ESRRB: variants seen among roughly 807,000 people sequenced by gnomAD.
ESRRB encodes the protein estrogen related receptor beta, also known as steroid hormone receptor ERR2.
ESRRB carries 16 observed loss-of-function variants against 46.0 expected under a neutral mutation model. The ratio of observed to expected loss-of-function variants is 0.35; its 90% CI spans 0.24 to 0.53. The LOEUF (loss-of-function observed/expected upper bound fraction) is 0.53. Ranked by LOEUF, ESRRB falls within the 20% of genes least tolerant of loss-of-function variation. The probability of loss-of-function intolerance (pLI) is 0.93; values close to 1 mark genes in which losing one functional copy is unlikely to be tolerated. For synonymous variants in ESRRB, 246 were observed against 259.6 expected (o/e 0.95, Z 0.50); for missense variants, 488 against 607.4 (o/e 0.80, Z 2.07).
At chr14:76,405,820 C>G (rs1400801549) in intron 1 of ESRRB, among the ~76,000 whole-genome samples, 1 of 151,954 alleles carries the variant, frequency 6.6e-6, no homozygotes, top group African/African-American at 2.4e-5. Context: ...GCAAGAGTCA[C>G]TTGAGCCAAG....
At chr14:76,357,847 T>C (rs1011750412) in intron 1 of ESRRB, among the ~76,000 whole-genome samples, 5 of 152,206 alleles carry the variant, frequency 3.3e-5, no homozygotes, top group Non-Finnish European at 5.9e-5. Flanking sequence ...ATGAAAATTA[T>C]GTAACAACAT....
intron 1 of ESRRB, among the ~76,000 whole-genome samples, chr14:76,398,250 G>A (rs1885783331): frequency 6.6e-6 from 1 of 152,186 alleles, no homozygotes; most frequent in Non-Finnish European, 1.5e-5. Flanking sequence ...TATTCCAGAT[G>A]AGGAAATAGG....
intron 2 of ESRRB, among the ~76,000 whole-genome samples, chr14:76,444,579 C>T (rs1413016153): frequency 1.3e-5 from 2 of 150,462 alleles, no homozygotes; most frequent in Non-Finnish European, 3.0e-5. Flanking sequence ...AGAGATGAGG[C>T]CTTGCTATGT....
At position 76,439,747 on chromosome 14, in the gene ESRRB, C is replaced by T; in HGVS notation, c.457C>T (p.Gln153Ter). The T allele has an allele frequency of 6.2e-7, 1 of 1,613,494 alleles. No individual in the cohort carries two copies. The highest frequency in any genetic ancestry group is 8.5e-7 in the Non-Finnish European group (1 of 1,179,444). The change falls in exon 2 of 7, where the codon CAA (glutamine) becomes TAA (stop). Residue 153 changes from glutamine (Q) to a stop codon, truncating the protein, a stop_gained. Coordinates refer to ENST00000644823, the MANE Select transcript of ESRRB (RefSeq NM_001379180.1). LOFTEE classifies it high-confidence loss of function. ...ACKAFFKRTIQGNIEYSCPAT... is the reference protein window; with the variant it reads ...ACKAFFKRTI ...CAAGGCCTTCTTCAAGAGGACTATC[C>T]AAGGTGCGTGGTGGGCCTCAAGGAG...
intron 1 of ESRRB, among the ~76,000 whole-genome samples, chr14:76,377,929 G>T (rs1483935908): frequency 1.3e-5 from 2 of 151,830 alleles, no homozygotes; most frequent in Non-Finnish European, 2.9e-5. Context: ...GAAGGCGCTG[G>T]TCTGGGAGAG....
intron 1 of ESRRB, among the ~76,000 whole-genome samples, chr14:76,387,809 A>G (rs1051890815): frequency 6.6e-6 from 1 of 152,206 alleles, no homozygotes; most frequent in Admixed American, 6.5e-5. Flanking sequence ...TTGATGTAAG[A>G]AAAGTGTCTG....
At chr14:76,391,488 C>T (rs1292374295) in intron 1 of ESRRB, among the ~76,000 whole-genome samples, 1 of 152,260 alleles carries the variant, frequency 6.6e-6, no homozygotes, top group East Asian at 1.9e-4. Flanking sequence ...GAAGCTGCAG[C>T]TCATTGCTGG....
chr14:76,390,719 G>A (rs900025751), intron 1 of ESRRB, among the ~76,000 whole-genome samples: 6 of 152,146 alleles, frequency 3.9e-5, no homozygotes, highest in African/African-American at 7.2e-5. Context: ...ACCCCTGTGC[G>A]TAGGGTTTAA....
At chr14:76,389,059 G>A (rs1325036275) in intron 1 of ESRRB, among the ~76,000 whole-genome samples, 2 of 152,162 alleles carry the variant, frequency 1.3e-5, no homozygotes, top group Non-Finnish European at 2.9e-5. Flanking sequence ...GATATGGAGC[G>A]TATCTTCAGT....
chr14:76,447,249 C>CCTTT (rs1316857043), intron 2 of ESRRB, among the ~76,000 whole-genome samples: 1 of 45,358 alleles, frequency 2.2e-5, no homozygotes, highest in African/African-American at 1.8e-4. Context: ...AAGTCTCCTT[C>CCTTT]CTTCCTTCCT....
intron 1 of ESRRB, among the ~76,000 whole-genome samples, chr14:76,358,326 AGAAAGAAAGAAAGAAAG>A (rs1472100079): frequency 6.8e-4 from 23 of 34,034 alleles, no homozygotes; most frequent in Middle Eastern, 0.014. Context: ...AAAAAAAAAA[AGAAAGAAAGAAAGAAAG>A]AAAGAAAGAA....
In ESRRB at chr14:76,332,737, T is replaced by TA. The variant is rs1884041559; in HGVS notation, c.2+21822dup. 2.0e-3 allele frequency among the ~76,000 whole-genome samples: 39 copies of TA among 19,524 alleles called. 2 individuals are homozygous for TA. Among genetic ancestry groups the TA allele is most frequent in the African/African-American group, 8.7e-3 (38 of 4,384 alleles). The allele number at this position is 19,524 out of a possible 152,430, so 12.8% of individuals were successfully genotyped here. A position where few individuals can be genotyped will look rare whatever the true frequency, so the allele number is the denominator to read the frequency against. ...TTATATATTATATATATTTATATAT[T>TA]ATATATTTATATATTATATATAAAT... On this transcript the variant is annotated intron_variant, in intron 1 of 6. Coordinates refer to the ESRRB transcript ENST00000512784.
At position 76,482,853 on chromosome 14, in the gene ESRRB, C is replaced by A; in HGVS notation, c.850+94C>A. On this transcript the variant is annotated intron_variant, in intron 5 of 6. Coordinates refer to ENST00000644823, the MANE Select transcript of ESRRB (RefSeq NM_001379180.1). This position sits in a 1 kb window ranked among gnomAD's most constrained non-coding sequence, Gnocchi z 4.3. ...TGGCTGTGCTTCTGATGCCCGGATC[C>A]TGGACCCCAGAAGGCCTGTGAAATC... 6.7e-7 allele frequency: 1 copy of A among 1,486,088 alleles called. No homozygotes were observed. The highest frequency in any genetic ancestry group is 9.3e-7 in the Non-Finnish European group (1 of 1,073,940). The allele number at this position is 1,486,088 out of a possible 1,614,324, so 92.1% of individuals were successfully genotyped here.
chr14:76,376,313 C>G lies in ESRRB; in HGVS notation c.-89C>G, dbSNP rs1188201009. On this transcript the variant is annotated 5_prime_UTR_variant, in exon 1 of 7. Transcript: ENST00000644823. This position sits in a 1 kb window ranked among gnomAD's most constrained non-coding sequence, Gnocchi z 4.1. Reference sequence around the variant, plus strand: ...TCGCGCTCACTGTGCCCTGCCCGGGCTCGCACCTTGCCCGTGCCCTTCACT... The same window carrying G: ...TCGCGCTCACTGTGCCCTGCCCGGGGTCGCACCTTGCCCGTGCCCTTCACT... 1.9e-6 allele frequency: 2 copies of G among 1,056,686 alleles called. No homozygotes were observed. The highest frequency in any genetic ancestry group is 2.4e-6 in the Non-Finnish European group (2 of 828,324). 65.5% of individuals were successfully genotyped at this position (1,056,686 alleles called of 1,614,324 possible).
chr14:76,419,480 A>T (rs1803976846), intron 1 of ESRRB, among the ~76,000 whole-genome samples: 1 of 152,132 alleles, frequency 6.6e-6, no homozygotes, highest in South Asian at 2.1e-4. Flanking sequence ...TTCACCCCCG[A>T]GCCTCATGAG....
Position 76,423,893 on chromosome 14 carries a change from G to T in ESRRB, c.51-15448G>T, listed in dbSNP as rs186515985. Among the ~76,000 whole-genome samples the T allele has an allele frequency of 8.6e-4, 131 of 152,182 alleles. No individual in the cohort carries two copies. The Middle Eastern group carries it at 0.01, about 12-fold the overall frequency. ...GTGGCTGGGATGGAGTGACCTGGGG[G>T]GAGAGTGGGCAGGAGATAGCATGAC... On this transcript the variant is annotated intron_variant, in intron 1 of 6. Coordinates refer to ENST00000644823, the MANE Select transcript of ESRRB (RefSeq NM_001379180.1).
chr14:76,327,216 G>C (rs761538959), intron 1 of ESRRB, among the ~76,000 whole-genome samples: 7 of 152,204 alleles, frequency 4.6e-5, no homozygotes. Flanking sequence ...AGCTGCCTGC[G>C]TGTCACCCAG....
At chr14:76,460,007 A>G (rs1387948652) in intron 2 of ESRRB, among the ~76,000 whole-genome samples, 3 of 152,192 alleles carry the variant, frequency 2.0e-5, no homozygotes, top group Non-Finnish European at 2.9e-5. Flanking sequence ...CACCAGTAAA[A>G]AGGGATGAGA....
chr14:76,441,088 C>G (rs1357376937), intron 2 of ESRRB, among the ~76,000 whole-genome samples: 1 of 152,186 alleles, frequency 6.6e-6, no homozygotes, highest in Non-Finnish European at 1.5e-5. Flanking sequence ...GTTGCCCAGG[C>G]TGGAGTGCAG....
Sources: gnomAD v4.1 joint callset for allele counts (sites outside exome capture counted in the v4.1 genomes callset) on GRCh38, gnomAD v4.1.1 for gene constraint, Gnocchi (gnomAD v3.1) non-coding constraint, MANE v1.5 for transcripts, NCBI Gene and HGNC (gene_info 2026-07-23, HGNC 2026-07-21) for gene names.